TLN2: variants seen among roughly 807,000 people sequenced by gnomAD.
The protein encoded by TLN2 is talin 2.
TLN2 carries 118 observed loss-of-function variants against 294.7 expected under a neutral mutation model. The observed-to-expected ratio is 0.40, with a 90% confidence interval of 0.34 to 0.47. The LOEUF (loss-of-function observed/expected upper bound fraction) is 0.47. Ranked by LOEUF, TLN2 falls within the 20% of genes least tolerant of loss-of-function variation. TLN2 has a pLI of 0.84. For synonymous variants in TLN2, 1,431 were observed against 1,304.5 expected, an observed-to-expected ratio of 1.10 and a Z score of -2.09; for missense variants, 3,083 against 3,282.2, an observed-to-expected ratio of 0.94 and a Z score of 1.48.
intron 51 of TLN2, among the ~76,000 whole-genome samples, 156 bp downstream of exon 51, chr15:62,805,941 A>G (rs1418266110): frequency 6.6e-6 from 1 of 152,144 alleles, no homozygotes; most frequent in Non-Finnish European, 1.5e-5. Context: ...TGAAATCCCA[A>G]CACTCTGGGA....
chr15:62,698,083 C>G (rs1190334063), intron 15 of TLN2, among the ~76,000 whole-genome samples: 1 of 152,184 alleles, frequency 6.6e-6, no homozygotes, highest in Non-Finnish European at 1.5e-5. Flanking sequence ...TTAGGGAGCT[C>G]TTAACATGAC....
intron 1 of TLN2, chr15:62,453,783 G>A (rs1450424535): frequency 6.6e-6 from 1 of 152,374 alleles, no homozygotes; most frequent in African/African-American, 2.4e-5. Context: ...TGTGTTTTCT[G>A]TGTGGCTGTT....
intron 45 of TLN2, among the ~76,000 whole-genome samples, chr15:62,791,353 CA>C (rs777889853): frequency 3.7e-4 from 56 of 151,694 alleles, no homozygotes; most frequent in East Asian, 1.4e-3. Context: ...GACTCTATCT[CA>C]AAAAAAAGAA....
intron 1 of TLN2, among the ~76,000 whole-genome samples, chr15:62,434,616 T>G (rs1454860162): frequency 6.6e-6 from 1 of 152,248 alleles, no homozygotes; most frequent in African/African-American, 2.4e-5. Flanking sequence ...GTATCATTTT[T>G]AATCATTTAA....
Position 62,796,218 on chromosome 15 carries a change from A to C in TLN2, c.5975A>C (p.Asp1992Ala). 6.2e-7 allele frequency: 1 copy of C among 1,614,196 alleles called. No homozygotes were observed. Among genetic ancestry groups the C allele is most frequent in the South Asian group, 1.1e-5 (1 of 91,086 alleles). Residue 1992 changes from aspartate to alanine, a missense_variant, in exon 47 of 59, where the codon GAC becomes GCC. Physicochemically the swap from Asp to Ala is moderately radical, Grantham distance 126. Coordinates refer to ENST00000636159, the MANE Select transcript of TLN2 (RefSeq NM_015059.3). ...ACCGCTGTGTCTGGGATCATTGCCG[A>C]CCTGGACACCACCATTATGTTTGCA... is the stretch of plus-strand genomic sequence containing the variant. ...AATAVSGIIA[D>A]LDTTIMFATA...
At chr15:62,691,273 G>C (rs1191103024) in intron 12 of TLN2, among the ~76,000 whole-genome samples, 4 of 152,100 alleles carry the variant, frequency 2.6e-5, no homozygotes, top group African/African-American at 9.7e-5. Flanking sequence ...GTGAAGCTCT[G>C]TTTTTTAGTT....
chr15:62,820,516 C>T lies in TLN2; in HGVS notation c.6908C>T (p.Thr2303Ile). 1 of 1,614,032 alleles carries T rather than the reference C, an allele frequency of 6.2e-7. No individual in the cohort carries two copies. Among genetic ancestry groups the T allele is most frequent in the Non-Finnish European group, 8.5e-7 (1 of 1,179,964 alleles). ...GAGTGGGTGGATCCAGAAGACCCAACTGTCATTGCAGAAACAGAGTTACTG... is the reference window on the plus strand; with the variant it reads ...GAGTGGGTGGATCCAGAAGACCCAATTGTCATTGCAGAAACAGAGTTACTG... Reference protein sequence around the residue: ...GTEWVDPEDPTVIAETELLGA... With the variant: ...GTEWVDPEDPIVIAETELLGA... Residue 2303 changes from threonine to isoleucine, a missense_variant, in exon 54 of 59, where the codon ACT (threonine) becomes ATT (isoleucine). Coordinates refer to ENST00000636159, the MANE Select transcript of TLN2 (RefSeq NM_015059.3).
intron 24 of TLN2, 75 bp downstream of exon 24, chr15:62,717,764 T>C: frequency 9.2e-7 from 1 of 1,092,210 alleles, no homozygotes; most frequent in Non-Finnish European, 1.3e-6. Context: ...AGTCCCCTGG[T>C]AGTTCAGTAA....
intron 1 of TLN2, among the ~76,000 whole-genome samples, chr15:62,465,824 A>T (rs546730723): frequency 6.6e-6 from 1 of 152,220 alleles, no homozygotes; most frequent in African/African-American, 2.4e-5. Flanking sequence ...CTGTTTATGC[A>T]TTTCTGCAGA....
At chr15:62,611,340 C>T (rs1213597067) in intron 2 of TLN2, among the ~76,000 whole-genome samples, 2 of 152,284 alleles carry the variant, frequency 1.3e-5, no homozygotes. Context: ...TCTCTAGGCT[C>T]AGGTATGGAT....
At chr15:62,724,637 A>G (rs2060336742) in intron 26 of TLN2, among the ~76,000 whole-genome samples, 1 of 152,298 alleles carries the variant, frequency 6.6e-6, no homozygotes, top group East Asian at 1.9e-4. Context: ...GTGTACACAC[A>G]TGGCTGTGCT....
chr15:62,768,303 T>C (rs1258551445), intron 41 of TLN2, among the ~76,000 whole-genome samples: 1 of 152,224 alleles, frequency 6.6e-6, no homozygotes, highest in Non-Finnish European at 1.5e-5. Flanking sequence ...GTGGATTCCC[T>C]AGAGAATCTG....
At chr15:62,541,996 C>T (rs564660410) in intron 1 of TLN2, among the ~76,000 whole-genome samples, 2 of 151,498 alleles carry the variant, frequency 1.3e-5, no homozygotes, top group Non-Finnish European at 2.9e-5. Flanking sequence ...GAACCCTTGG[C>T]GAATACTTTC....
At chr15:62,759,628 G>A (rs1362856779) in intron 37 of TLN2, among the ~76,000 whole-genome samples, 1 of 152,202 alleles carries the variant, frequency 6.6e-6, no homozygotes, top group Non-Finnish European at 1.5e-5. Context: ...GAGCAGAAAG[G>A]GGAAGAGAAA....
intron 1 of TLN2, among the ~76,000 whole-genome samples, chr15:62,536,069 G>A (rs1344472186): frequency 6.6e-6 from 1 of 152,114 alleles, no homozygotes; most frequent in East Asian, 1.9e-4. Flanking sequence ...TATTATTGCT[G>A]TTACTTCTGA....
At chr15:62,643,626 C>T (rs563933357) in intron 3 of TLN2, among the ~76,000 whole-genome samples, 17 of 151,904 alleles carry the variant, frequency 1.1e-4, no homozygotes, top group African/African-American at 2.2e-4. Context: ...GAGGATCCAA[C>T]GGGTATAGTT....
intron 1 of TLN2, among the ~76,000 whole-genome samples, chr15:62,584,764 G>A (rs528394360): frequency 2.0e-5 from 3 of 152,266 alleles, no homozygotes; most frequent in Admixed American, 6.5e-5. Flanking sequence ...GTCTGTGTAC[G>A]GCTGCCAAAG....
chr15:62,446,046 G>A (rs935909631), intron 1 of TLN2, among the ~76,000 whole-genome samples: 14 of 150,284 alleles, frequency 9.3e-5, no homozygotes, highest in East Asian at 3.9e-4. Context: ...TCTCACTGTC[G>A]CCCGGGCTGG....
intron 37 of TLN2, among the ~76,000 whole-genome samples, chr15:62,757,656 C>T (rs915115873): frequency 6.6e-6 from 1 of 152,108 alleles, no homozygotes; most frequent in Non-Finnish European, 1.5e-5. Flanking sequence ...TTCCCTGCAG[C>T]AAATGAGCTC....
Sources: gnomAD v4.1 joint callset for allele counts (sites outside exome capture counted in the v4.1 genomes callset) on GRCh38, gnomAD v4.1.1 for gene constraint, MANE v1.5 for transcripts, NCBI Gene and HGNC (gene_info 2026-07-23, HGNC 2026-07-21) for gene names.